The following STARD9 variants were observed in gnomAD, a reference collection of about 807,000 sequenced individuals.
STARD9 encodes stAR-related lipid transfer protein 9.
In STARD9, 346 loss-of-function variants were observed where a neutral mutation model predicts 399.8. The ratio of observed to expected loss-of-function variants is 0.87; its 90% confidence interval spans 0.79 to 0.95. STARD9 has a LOEUF of 0.95. Among genes scored for constraint, STARD9 ranks in the 40% least tolerant of loss-of-function variants. The pLI is 0.00. For synonymous variants in STARD9, 2,203 were observed against 2,143.5 expected (o/e 1.03, Z -0.77); for missense variants, 5,832 against 5,667.5 (o/e 1.03, Z -0.93).
At chr15:42,674,998 T>C (rs1274087119) in intron 18 of STARD9, 34 bp downstream of exon 18, 1 of 1,486,450 alleles carries the variant, frequency 6.7e-7, no homozygotes, top group Admixed American at 2.3e-5. Context: ...TATCCCAAGA[T>C]GAGTGATGGA....
At chr15:42,641,322 A>G (rs1411153834) in intron 7 of STARD9, among the ~76,000 whole-genome samples, 3 of 152,162 alleles carry the variant, frequency 2.0e-5, no homozygotes, top group African/African-American at 7.2e-5. Context: ...GCCATTCTGG[A>G]CTTTCTTAAA....
At chr15:42,630,389 C>T (rs2059309755) in intron 3 of STARD9, among the ~76,000 whole-genome samples, 1 of 151,988 alleles carries the variant, frequency 6.6e-6, no homozygotes, top group Admixed American at 6.6e-5. Flanking sequence ...GGGATATTAG[C>T]CTGTAATTTT....
chr15:42,691,717 A>C lies in STARD9; in HGVS notation c.10139A>C (p.Glu3380Ala), dbSNP rs566338505. 1.3e-6 allele frequency: 2 copies of C among 1,537,274 alleles called. No homozygotes were observed. The highest frequency in any genetic ancestry group is 2.4e-5 in the South Asian group (2 of 84,054). ...KSVARTSLQAEDSNQKASSRL... is the reference protein window; with the variant it reads ...KSVARTSLQAADSNQKASSRL... ...GTGGCAAGAACATCTCTGCAGGCTG[A>C]GGACAGCAATCAGAAAGCCTCATCT... is the stretch of plus-strand genomic sequence containing the variant. The change falls in exon 23 of 33, where the codon GAG becomes GCG. Residue 3380 changes from glutamate to alanine, a missense_variant. Transcript: ENST00000290607.
rs2058257721 is a variant in STARD9 at position 42,585,533 on chromosome 15, C to T, written c.130C>T (p.Pro44Ser). ...TGTTTGATTTTAGGTGGACAATCGA[C>T]CAGATGGCTTTGGGGACTCCCGGGA... ...KIRNLKVDNR[P>S]DGFGDSREKV... Residue 44 changes from proline (P) to serine (S), a missense_variant, in exon 3 of 33, where the codon CCA becomes TCA. Around this residue, in one of 2 missense-constraint regions of STARD9, gnomAD observed 5,828 missense variants for 5,651.1 expected, o/e 1.03. Transcript: ENST00000290607. 1 of 1,536,634 alleles carries T rather than the reference C, an allele frequency of 6.5e-7. No individual in the cohort carries two copies. The highest frequency in any genetic ancestry group is 8.7e-7 in the Non-Finnish European group (1 of 1,146,540).
intron 26 of STARD9, among the ~76,000 whole-genome samples, chr15:42,705,388 C>T (rs73410923): frequency 0.061 from 9,238 of 152,102 alleles, 630 homozygotes; most frequent in African/African-American, 0.18. Flanking sequence ...CTATCACTGA[C>T]GGGTCCTATT....
intron 10 of STARD9, among the ~76,000 whole-genome samples, chr15:42,661,611 T>G (rs28664781): frequency 0.05 from 7,458 of 149,700 alleles, 215 homozygotes; most frequent in South Asian, 0.1. Context: ...CATCTGGCTT[T>G]CTTTCTTTCT....
At chr15:42,708,623 G>T (rs1178985686) in intron 26 of STARD9, among the ~76,000 whole-genome samples, 2 of 151,640 alleles carry the variant, frequency 1.3e-5, no homozygotes, top group Non-Finnish European at 2.9e-5. Flanking sequence ...GTCTTTTCTT[G>T]CTTCGTGGTT....
chr15:42,624,579 C>T (rs1191023460), intron 3 of STARD9, among the ~76,000 whole-genome samples: 1 of 150,982 alleles, frequency 6.6e-6, no homozygotes, highest in East Asian at 1.9e-4. Flanking sequence ...GACAGAGTCT[C>T]CCTCTGTCAT....
intron 7 of STARD9, among the ~76,000 whole-genome samples, chr15:42,649,175 G>A (rs938804777): frequency 3.3e-5 from 5 of 151,810 alleles, no homozygotes; most frequent in Admixed American, 1.3e-4. Flanking sequence ...GATTACAGTC[G>A]CGCACCACCA....
At position 42,631,869 on chromosome 15, in the gene STARD9, A is replaced by G. The variant is rs542163320; in HGVS notation, c.235-2987A>G. The stretch of plus-strand genomic sequence containing the variant: ...TGTTTTGTGGCCGAACATATGGTCT[A>G]TTCTTGAGAATGATCCATGTGCTGA... On this transcript the variant is annotated intron_variant, in intron 3 of 32. Coordinates refer to ENST00000290607, the MANE Select transcript of STARD9 (RefSeq NM_020759.3). Among the ~76,000 whole-genome samples the G allele has an allele frequency of 2.9e-4, 44 of 152,080 alleles. 1 individual carries two copies. The South Asian group carries it at 7.9e-3, about 27-fold the overall frequency.
At chr15:42,650,656 G>C (rs956914813) in intron 7 of STARD9, among the ~76,000 whole-genome samples, 1 of 152,166 alleles carries the variant, frequency 6.6e-6, no homozygotes, top group African/African-American at 2.4e-5. Context: ...CACCTTGTGG[G>C]GAAAACAACA....
At position 42,688,973 on chromosome 15, in the gene STARD9, A is replaced by G; in HGVS notation, c.7395A>G (p.Glu2465=). ...GTACCAGTGAAGATTTTGCTTCTGA[A>G]GCCGAGGTGGCTGTACAAAAAGAAA... ...GFSTSEDFAS[E]AEVAVQKEIR... Residue 2465 remains glutamate, a synonymous_variant, in exon 23 of 33, where the codon GAA becomes GAG. Coordinates refer to ENST00000290607, the MANE Select transcript of STARD9 (RefSeq NM_020759.3). 3 of 1,537,446 alleles carry G rather than the reference A, an allele frequency of 2.0e-6. No individual in the cohort carries two copies. The highest frequency in any genetic ancestry group is 2.6e-6 in the Non-Finnish European group (3 of 1,146,948).
chr15:42,601,356 G>A (rs1305002873), intron 3 of STARD9, among the ~76,000 whole-genome samples: 1 of 152,102 alleles, frequency 6.6e-6, no homozygotes, highest in Non-Finnish European at 1.5e-5. Context: ...CGTCATCATG[G>A]CCCATTCTCA....
In STARD9 at chr15:42,720,635, A is replaced by T. The variant is rs1016148142; in HGVS notation, c.*1061A>T. ...GAACATGAACTTTGTGTTTACCTGG[A>T]AGTGGTAGGGGTGGGAGAGATTCTC... On this transcript the variant is annotated 3_prime_UTR_variant, in exon 33 of 33. Transcript: ENST00000290607. 6.6e-6 allele frequency: 1 copy of T among 152,050 alleles called. No individual in the cohort carries two copies. The highest frequency in any genetic ancestry group is 6.5e-5 in the Admixed American group (1 of 15,272). The allele number at this position is 152,050 out of a possible 1,614,324, so 9.4% of individuals were successfully genotyped here. A position where few individuals can be genotyped will look rare whatever the true frequency, so the allele number is the denominator to read the frequency against.
chr15:42,599,340 T>C (rs1006432810), intron 3 of STARD9, among the ~76,000 whole-genome samples: 1 of 152,240 alleles, frequency 6.6e-6, no homozygotes, highest in Non-Finnish European at 1.5e-5. Flanking sequence ...TTCACTACTT[T>C]TTAATATTGG....
At chr15:42,655,822 C>T (rs1171286127) in intron 9 of STARD9, among the ~76,000 whole-genome samples, 2 of 152,130 alleles carry the variant, frequency 1.3e-5, no homozygotes, top group Admixed American at 6.5e-5. Flanking sequence ...TATTTGCAAT[C>T]TATGCATCCT....
At chr15:42,680,828 C>T (rs1418494882) in intron 20 of STARD9, among the ~76,000 whole-genome samples, 1 of 152,008 alleles carries the variant, frequency 6.6e-6, no homozygotes, top group Non-Finnish European at 1.5e-5. Flanking sequence ...AATCCTATTC[C>T]AGGGCTCATT....
intron 25 of STARD9, 126 bp from the exon 26 acceptor site, chr15:42,695,617 C>G: frequency 8.8e-7 from 1 of 1,135,720 alleles, no homozygotes; most frequent in Non-Finnish European, 1.2e-6. Context: ...TCAGGGAGGC[C>G]CTGGGAGGTG....
chr15:42,692,827 C>A lies in STARD9; in HGVS notation c.11249C>A (p.Ser3750Ter), dbSNP rs2060745122. The A allele has an allele frequency of 6.5e-7, 1 of 1,537,236 alleles. No homozygotes were observed. The highest frequency in any genetic ancestry group is 1.4e-5 in the African/African-American group (1 of 73,158). ...LTLPTLCLQT[S>*]EAEPQGANVI... The stretch of plus-strand genomic sequence containing the variant: ...TTACCCACCCTGTGCCTCCAGACTT[C>A]AGAGGCTGAACCTCAGGGAGCCAAT... The change falls in exon 23 of 33, where the codon TCA (serine) becomes TAA (stop). Residue 3750 changes from serine (S) to a stop codon, truncating the protein, a stop_gained. Coordinates refer to ENST00000290607, the MANE Select transcript of STARD9 (RefSeq NM_020759.3). LOFTEE classifies it high-confidence loss of function.
Sources: gnomAD v4.1 joint callset for allele counts (sites outside exome capture counted in the v4.1 genomes callset) on GRCh38, gnomAD v4.1.1 for gene constraint, gnomAD v4.1.1 regional missense constraint, MANE v1.5 for transcripts, NCBI Gene and HGNC (gene_info 2026-07-23, HGNC 2026-07-21) for gene names.